The following NDUFS7 variants were observed in gnomAD, a reference collection of about 807,000 sequenced individuals.
NDUFS7 encodes the protein NADH:ubiquinone oxidoreductase core subunit S7, also known as NADH dehydrogenase [ubiquinone] iron-sulfur protein 7, mitochondrial.
Under a neutral mutation model 31.1 loss-of-function variants are expected in NDUFS7, and 11 were observed. That is an observed-to-expected ratio of 0.35 (90% CI 0.22 to 0.59). NDUFS7 has a LOEUF of 0.59. Ranked by LOEUF, NDUFS7 falls within the 20% of genes least tolerant of loss-of-function variation. NDUFS7 has a pLI of 0.79. For missense variants in NDUFS7, 263 were observed against 324.2 expected (o/e 0.81, Z 1.45); for synonymous variants, 136 against 127.9 (o/e 1.06, Z -0.43).
Position 1,387,859 on chromosome 19 carries a change from A to C in NDUFS7, c.53+12A>C, listed in dbSNP as rs112414684. On this transcript the variant is annotated intron_variant, in intron 2 of 7. Coordinates refer to ENST00000233627, the MANE Select transcript of NDUFS7 (RefSeq NM_024407.5). ...ATCCTTGGTCTGCGGTGAGTGCCTG[A>C]GTCTCCAGCCCTCAGCTGGGAGGGG... 2.0e-6 allele frequency: 3 copies of C among 1,471,840 alleles called. No homozygotes were observed. Among genetic ancestry groups the C allele is most frequent in the African/African-American group, 1.6e-5 (1 of 64,342 alleles). The allele number at this position is 1,471,840 out of a possible 1,614,324, so 91.2% of individuals were successfully genotyped here.
Position 1,395,501 on chromosome 19 carries a change from C to G in NDUFS7, c.*13C>G. ...GTACCGCAGGTAGCGCCGCCGCCGC[C>G]GCCGCCGGAGCCTGTCGCCGTCCTG... On this transcript the variant is annotated 3_prime_UTR_variant, in exon 8 of 8. Transcript: ENST00000233627. 1.3e-6 allele frequency: 2 copies of G among 1,564,374 alleles called. No homozygotes were observed. The highest frequency in any genetic ancestry group is 1.7e-6 in the Non-Finnish European group (2 of 1,155,668).
chr19:1,392,529 T>C (rs1267048092), intron 6 of NDUFS7: 1 of 152,930 alleles, frequency 6.5e-6, no homozygotes, highest in Admixed American at 6.5e-5. Context: ...GTCCTGGACA[T>C]TTCACAGAAA....
chr19:1,388,925 A>T lies in NDUFS7; in HGVS notation c.215A>T (p.Asn72Ile). 6.2e-7 allele frequency: 1 copy of T among 1,607,580 alleles called. No individual in the cohort carries two copies. The highest frequency in any genetic ancestry group is 8.5e-7 in the Non-Finnish European group (1 of 1,177,448). The change falls in exon 4 of 8, where the codon AAC (asparagine) becomes ATC (isoleucine). Residue 72 changes from asparagine (N) to isoleucine (I), a missense_variant. By Grantham distance (149) the Asn-to-Ile change is moderately radical (BLOSUM62 -3). Coordinates refer to ENST00000233627, the MANE Select transcript of NDUFS7 (RefSeq NM_024407.5). Reference protein sequence around the residue: ...YVVAKLDDLVNWARRSSLWPM... With the variant: ...YVVAKLDDLVIWARRSSLWPM... ...GTGGCCAAGCTGGATGACCTCGTCAACTGGGCCCGCCGGGTGAGTACTATG... is the reference window on the plus strand; with the variant it reads ...GTGGCCAAGCTGGATGACCTCGTCATCTGGGCCCGCCGGGTGAGTACTATG...
At chr19:1,385,679 C>T (rs1358060668) in intron 1 of NDUFS7, among the ~76,000 whole-genome samples, 2 of 151,836 alleles carry the variant, frequency 1.3e-5, no homozygotes, top group South Asian at 2.1e-4. Context: ...ATTAGCTGAG[C>T]GTGGTAGCAG....
At chr19:1,384,129 A>C in intron 1 of NDUFS7, 187 bp downstream of exon 1, 1 of 647,138 alleles carries the variant, frequency 1.5e-6, no homozygotes, top group African/African-American at 2.0e-5. Flanking sequence ...TATTGCGTCC[A>C]GAGTACAGTC....
Position 1,395,565 on chromosome 19 carries a change from C to A in NDUFS7, c.*77C>A. On this transcript the variant is annotated 3_prime_UTR_variant, in exon 8 of 8. Transcript: ENST00000233627. ...TGTGTCCCGTGAGGTTGTCAATAAA[C>A]CTGCCCTCGGGCTGCCGCCTCCCAG... 2 of 1,502,618 alleles carry A rather than the reference C, an allele frequency of 1.3e-6. No individual in the cohort carries two copies. Among genetic ancestry groups the A allele is most frequent in the Non-Finnish European group, 1.8e-6 (2 of 1,106,490 alleles). The allele number at this position is 1,502,618 out of a possible 1,614,324, so 93.1% of individuals were successfully genotyped here.
intron 7 of NDUFS7, 37 bp from the exon 8 acceptor site, chr19:1,395,354 G>A (rs759973700): frequency 3.1e-5 from 49 of 1,583,808 alleles, no homozygotes; most frequent in Admixed American, 9.2e-5. Flanking sequence ...CGCGGGCTCC[G>A]GCTGCGGGAA....
At chr19:1,390,261 G>A (rs2082545896) in intron 4 of NDUFS7, 1 of 164,252 alleles carries the variant, frequency 6.1e-6, no homozygotes, top group South Asian at 1.7e-4. Flanking sequence ...CCCAACACAG[G>A]CTTCTGGCGG....
At position 1,393,635 on chromosome 19, in the gene NDUFS7, A is replaced by C. The variant is rs1244886378; in HGVS notation, c.544+305A>C. On this transcript the variant is annotated intron_variant, in intron 7 of 7. Transcript: ENST00000233627. The surrounding 1 kb of genome is among the most constrained non-coding windows in gnomAD (Gnocchi z 7.3). ...GCACAAACCAAAGACCTGCAGTTAG[A>C]AATACCAAGCGAGAAGGTTCCTGGG... The C allele has an allele frequency of 1.5e-5, 9 of 599,430 alleles. No homozygotes were observed. The allele number at this position is 599,430 out of a possible 1,614,324, so 37.1% of individuals were successfully genotyped here. A position where few individuals can be genotyped will look rare whatever the true frequency, so the allele number is the denominator to read the frequency against.
Position 1,387,911 on chromosome 19 carries a change from CG to C in NDUFS7, c.53+72del, listed in dbSNP as rs1214096751. 1.3e-3 allele frequency: 162 copies of C among 128,724 alleles called. 6 individuals are homozygous for C. Among genetic ancestry groups the C allele is most frequent in the African/African-American group, 7.2e-3 (26 of 3,608 alleles). 8.0% of individuals were successfully genotyped at this position (128,724 alleles called of 1,614,324 possible). A position where few individuals can be genotyped will look rare whatever the true frequency, so the allele number is the denominator to read the frequency against. The stretch of plus-strand genomic sequence containing the variant: ...CTTCAGCAGCGACAGACGAACGGGG[CG>C]GGGGGGGTGGGGGGTGGGGGGAGCG... On this transcript the variant is annotated intron_variant, in intron 2 of 7. Transcript: ENST00000233627.
intron 6 of NDUFS7, chr19:1,392,312 C>T (rs1034653230): frequency 6.6e-6 from 1 of 152,170 alleles, no homozygotes; most frequent in Non-Finnish European, 1.5e-5. Flanking sequence ...TCCACTGTGC[C>T]TACTTTTTAA....
In NDUFS7 at chr19:1,390,971, T is replaced by TCCGCGCCAGC; in HGVS notation, c.339_348dup (p.Ser117ProfsTer?). 2 of 1,612,960 alleles carry TCCGCGCCAGC rather than the reference T, an allele frequency of 1.2e-6. No individual in the cohort carries two copies. Among genetic ancestry groups the TCCGCGCCAGC allele is most frequent in the Non-Finnish European group, 1.7e-6 (2 of 1,179,886 alleles). ...GACATGGACCGCTTTGGCGTGGTCT[T>TCCGCGCCAGC]CCGCGCCAGCCCGCGCCAGTCCGAC... On this transcript the variant is annotated frameshift_variant, in exon 5 of 8. Transcript: ENST00000233627. LOFTEE classifies it high-confidence loss of function.
rs566005625 is a variant in NDUFS7 at position 1,395,345 on chromosome 19, G to A, written c.545-46G>A. ...CCGGCTGCGCTGTGCACGCGGTCACGCGGGCTCCGGCTGCGGGAAGCGAGA... is the reference window on the plus strand; with the variant it reads ...CCGGCTGCGCTGTGCACGCGGTCACACGGGCTCCGGCTGCGGGAAGCGAGA... On this transcript the variant is annotated intron_variant, in intron 7 of 7. Transcript: ENST00000233627. 2.0e-5 allele frequency: 32 copies of A among 1,574,608 alleles called. No homozygotes were observed. The Admixed American group carries it at 3.8e-4, about 19-fold the overall frequency.
chr19:1,389,531 T>A (rs1414875183), intron 4 of NDUFS7: 4 of 457,012 alleles, frequency 8.8e-6, no homozygotes, highest in South Asian at 6.2e-5. Context: ...TCCGTTTCCG[T>A]CATTCTCTTT....
intron 1 of NDUFS7, chr19:1,384,146 AC>A: frequency 1.7e-6 from 1 of 584,612 alleles, no homozygotes; most frequent in Non-Finnish European, 2.8e-6. Flanking sequence ...AGTCGGGGAA[AC>A]CGAGGCCCGG....
chr19:1,388,985 T>G, intron 4 of NDUFS7, 47 bp downstream of exon 4: 9 of 1,485,972 alleles, frequency 6.1e-6, no homozygotes, highest in Non-Finnish European at 8.3e-6. Flanking sequence ...AGGGCCTCTC[T>G]GCACACTCAC....
chr19:1,388,501 G>C, intron 2 of NDUFS7, 24 bp from the exon 3 acceptor site: 1 of 1,609,504 alleles, frequency 6.2e-7, no homozygotes, highest in Non-Finnish European at 8.5e-7. Flanking sequence ...GACAGCCACT[G>C]ACCCGCGTTC....
chr19:1,387,642 A>ACT, intron 1 of NDUFS7, 169 bp from the exon 2 acceptor site: 1 of 663,444 alleles, frequency 1.5e-6, no homozygotes, highest in Non-Finnish European at 2.8e-6. Context: ...GGGGACTAAG[A>ACT]CTCTCTCGTG....
At chr19:1,390,674 A>G (rs892158805) in intron 4 of NDUFS7, 197 bp from the exon 5 acceptor site, 2 of 616,514 alleles carry the variant, frequency 3.2e-6, no homozygotes, top group Non-Finnish European at 5.8e-6. Flanking sequence ...TATTTTATGT[A>G]TTTGAATGTG....
Sources: allele counts gnomAD v4.1 joint callset (sites outside exome capture counted in the v4.1 genomes callset), GRCh38; gene constraint gnomAD v4.1.1; non-coding constraint Gnocchi (gnomAD v3.1); transcripts MANE v1.5; gene names NCBI Gene and HGNC (gene_info 2026-07-23, HGNC 2026-07-21).